Variants in CAPN7 observed in about 807,000 individuals in gnomAD.
CAPN7 encodes the protein calpain-7.
Under a neutral mutation model 115.2 loss-of-function variants are expected in CAPN7, and 72 were observed. That is an observed-to-expected ratio of 0.63 (90% CI 0.52 to 0.76). CAPN7 has a LOEUF of 0.76. Ranked by LOEUF, CAPN7 falls within the 30% of genes least tolerant of loss-of-function variation. The probability of loss-of-function intolerance (pLI) is 0.00; values close to 1 mark genes in which losing one functional copy is unlikely to be tolerated. For synonymous variants in CAPN7, 344 were observed against 322.3 expected, an observed-to-expected ratio of 1.07 and a Z score of -0.72; for missense variants, 905 against 971.5, an observed-to-expected ratio of 0.93 and a Z score of 0.91.
intron 5 of CAPN7, among the ~76,000 whole-genome samples, chr3:15,222,965 A>G (rs1694090285): frequency 6.6e-6 from 1 of 152,236 alleles, no homozygotes; most frequent in African/African-American, 2.4e-5. Context: ...AAATAAGCAT[A>G]TACACAAAAC....
chr3:15,228,498 A>C (rs899941265), intron 7 of CAPN7, among the ~76,000 whole-genome samples: 1 of 152,232 alleles, frequency 6.6e-6, no homozygotes, highest in African/African-American at 2.4e-5. Context: ...GATGAAGAAA[A>C]TGTGGTACAT....
Position 15,206,529 on chromosome 3 carries a change from C to T in CAPN7, c.34C>T (p.Gln12Ter). The change falls in exon 1 of 21, where the codon CAG becomes TAG. Residue 12 changes from glutamine (Q) to a stop codon, truncating the protein, a stop_gained. Transcript: ENST00000253693. LOFTEE classifies it high-confidence loss of function. ...DATALERDAVQFARLAVQRDH... is the reference protein window; with the variant it reads ...DATALERDAV ...CACAGCACTGGAGCGGGACGCTGTG[C>T]AGTTCGCCCGTCTGGCGGTTCAGCG... 1 of 1,555,770 alleles carries T rather than the reference C, an allele frequency of 6.4e-7. No individual in the cohort carries two copies. Among genetic ancestry groups the T allele is most frequent in the Middle Eastern group, 1.8e-4 (1 of 5,682 alleles).
chr3:15,222,061 T>G (rs1451365988), intron 5 of CAPN7, among the ~76,000 whole-genome samples: 1 of 145,348 alleles, frequency 6.9e-6, no homozygotes, highest in South Asian at 2.1e-4. Context: ...TGAAAGGTTT[T>G]ACATGCATCA....
At chr3:15,213,454 A>T (rs2045064911) in intron 2 of CAPN7, among the ~76,000 whole-genome samples, 1 of 152,092 alleles carries the variant, frequency 6.6e-6, no homozygotes. Context: ...TATCATGGAA[A>T]CCCCTTTCTG....
chr3:15,222,144 A>G (rs1367331019), intron 5 of CAPN7, among the ~76,000 whole-genome samples: 3 of 152,006 alleles, frequency 2.0e-5, no homozygotes, highest in African/African-American at 4.8e-5. Context: ...GGCTCTTTAC[A>G]GAAAACATTT....
chr3:15,233,503 TAGAG>T (rs1273017095), intron 10 of CAPN7, among the ~76,000 whole-genome samples: 1 of 152,218 alleles, frequency 6.6e-6, no homozygotes, highest in Non-Finnish European at 1.5e-5. Context: ...CAGTGGAGTT[TAGAG>T]AGAGAAAGAA....
At chr3:15,226,791 G>C (rs1245810005) in intron 6 of CAPN7, among the ~76,000 whole-genome samples, 1 of 151,960 alleles carries the variant, frequency 6.6e-6, no homozygotes, top group East Asian at 1.9e-4. Flanking sequence ...ACTTTAACCA[G>C]GAGTTTGTAG....
In CAPN7 at chr3:15,251,985, AC is replaced by A. The variant is rs1696024222; in HGVS notation, c.*726del. The A allele has an allele frequency of 6.6e-6, 1 of 152,446 alleles. No individual in the cohort carries two copies. Among genetic ancestry groups the A allele is most frequent in the Non-Finnish European group, 1.5e-5 (1 of 68,030 alleles). 9.4% of individuals were successfully genotyped at this position (152,446 alleles called of 1,614,324 possible). A position where few individuals can be genotyped will look rare whatever the true frequency, so the allele number is the denominator to read the frequency against. ...AAAAACAGTAATTGAGATATTGAAG[AC>A]ATTACAATTTAGTTTGTGTGGTCTT... On this transcript the variant is annotated 3_prime_UTR_variant, in exon 21 of 21. Coordinates refer to ENST00000253693, the MANE Select transcript of CAPN7 (RefSeq NM_014296.3).
rs1695240079 is a variant in CAPN7 at position 15,239,934 on chromosome 3, C to T, written c.1408-539C>T. On this transcript the variant is annotated intron_variant, in intron 12 of 20. Coordinates refer to ENST00000253693, the MANE Select transcript of CAPN7 (RefSeq NM_014296.3). The stretch of plus-strand genomic sequence containing the variant: ...AAAAGGGAACAGCATGATCAATTGC[C>T]TTTAGAGGCAAAATTGAATAAGGAT... Among the ~76,000 whole-genome samples the T allele has an allele frequency of 1.3e-5, 2 of 152,150 alleles. 1 individual carries two copies. The highest frequency in any genetic ancestry group is 4.1e-4 in the South Asian group (2 of 4,832).
intron 6 of CAPN7, 45 bp downstream of exon 6, chr3:15,223,606 T>C (rs773516235): frequency 7.3e-5 from 82 of 1,127,746 alleles, no homozygotes; most frequent in Non-Finnish European, 1.0e-4. Flanking sequence ...ATTTTAACTT[T>C]TCAGTACTCT....
Position 15,230,549 on chromosome 3 carries a change from C to CT in CAPN7, c.1032+15dup, listed in dbSNP as rs1241534668. On this transcript the variant is annotated intron_variant, in intron 9 of 20. Coordinates refer to ENST00000253693, the MANE Select transcript of CAPN7 (RefSeq NM_014296.3). The stretch of plus-strand genomic sequence containing the variant: ...GTCCCAAGAAAGGTGAATAATGTCT[C>CT]TCCCCACTCCCATCCCTTGTCTCTC... 13 of 1,441,356 alleles carry CT rather than the reference C, an allele frequency of 9.0e-6. No individual in the cohort carries two copies. Among genetic ancestry groups the CT allele is most frequent in the Non-Finnish European group, 1.1e-5 (11 of 1,024,440 alleles). 89.3% of individuals were successfully genotyped at this position (1,441,356 alleles called of 1,614,324 possible).
At chr3:15,235,711 A>C (rs1365401854) in intron 12 of CAPN7, among the ~76,000 whole-genome samples, 1 of 151,714 alleles carries the variant, frequency 6.6e-6, no homozygotes, top group Non-Finnish European at 1.5e-5. Context: ...CTGATCTGAC[A>C]GGGGGCAGAG....
At chr3:15,231,252 C>G (rs1416138404) in intron 9 of CAPN7, among the ~76,000 whole-genome samples, 1 of 152,136 alleles carries the variant, frequency 6.6e-6, no homozygotes, top group East Asian at 1.9e-4. Flanking sequence ...TATTAAAACA[C>G]AGGTTTCTGG....
chr3:15,218,537 A>G lies in CAPN7; in HGVS notation c.434A>G (p.Asp145Gly). Reference sequence around the variant, plus strand: ...AAACAGTTGGCTCGACAGGCACTAGACAGGTGAGTTTGATCTCTCAAGTTC... The same window carrying G: ...AAACAGTTGGCTCGACAGGCACTAGGCAGGTGAGTTTGATCTCTCAAGTTC... ...KLKQLARQAL[D>G]RAEALSEPLT... The change falls in exon 4 of 21, where the codon GAC becomes GGC. Residue 145 changes from aspartate to glycine, a missense_variant. This residue lies in a region of CAPN7 where 271 missense variants were observed against 239.6 expected (regional missense o/e 1.13). Coordinates refer to ENST00000253693, the MANE Select transcript of CAPN7 (RefSeq NM_014296.3). The G allele has an allele frequency of 1.2e-6, 2 of 1,611,454 alleles. No homozygotes were observed. The highest frequency in any genetic ancestry group is 1.7e-6 in the Non-Finnish European group (2 of 1,177,692).
At chr3:15,242,483 G>A (rs939999010) in intron 16 of CAPN7, among the ~76,000 whole-genome samples, 1 of 152,164 alleles carries the variant, frequency 6.6e-6, no homozygotes, top group Admixed American at 6.5e-5. Flanking sequence ...GCACATGGCT[G>A]TCAGAATTTT....
At position 15,245,881 on chromosome 3, in the gene CAPN7, T is replaced by C. The variant is rs1216864246; in HGVS notation, c.2010+210T>C. On this transcript the variant is annotated intron_variant, in intron 17 of 20. Transcript: ENST00000253693. Reference sequence around the variant, plus strand: ...TGTCTTTATTTTGAAAGAGCATTTTTATTTTCATAGTAATAGTTTAGCCCC... The same window carrying C: ...TGTCTTTATTTTGAAAGAGCATTTTCATTTTCATAGTAATAGTTTAGCCCC... 6.4e-6 allele frequency: 3 copies of C among 471,400 alleles called. No individual in the cohort carries two copies. In the Admixed American group the frequency reaches 1.2e-4, roughly 19 times the overall value. The allele number at this position is 471,400 out of a possible 1,614,324, so 29.2% of individuals were successfully genotyped here.
intron 11 of CAPN7, 29 bp downstream of exon 11, chr3:15,234,002 T>C (rs1393871461): frequency 1.7e-6 from 2 of 1,210,746 alleles, no homozygotes; most frequent in Non-Finnish European, 2.4e-6. Flanking sequence ...TTTATGTGTG[T>C]GGTAAATGTG....
intron 2 of CAPN7, among the ~76,000 whole-genome samples, chr3:15,214,338 C>T (rs2045123788): frequency 6.6e-6 from 1 of 152,112 alleles, no homozygotes; most frequent in South Asian, 2.1e-4. Flanking sequence ...TGTTAGGAAC[C>T]CTAAGTTTTA....
At chr3:15,227,055 T>C (rs1035718525) in intron 6 of CAPN7, among the ~76,000 whole-genome samples, 1 of 151,400 alleles carries the variant, frequency 6.6e-6, no homozygotes, top group African/African-American at 2.4e-5. Context: ...TGGAGGATCG[T>C]TTAAGCACAG....
Sources: gnomAD v4.1 joint callset for allele counts (sites outside exome capture counted in the v4.1 genomes callset) on GRCh38, gnomAD v4.1.1 for gene constraint, gnomAD v4.1.1 regional missense constraint, MANE v1.5 for transcripts, NCBI Gene and HGNC (gene_info 2026-07-23, HGNC 2026-07-21) for gene names.